RCBTB1: variants seen among roughly 807,000 people sequenced by gnomAD.
The protein encoded by RCBTB1 is RCC1 and BTB domain containing protein 1, also known as RCC1 and BTB domain-containing protein 1.
In RCBTB1, 46 loss-of-function variants were observed where a neutral mutation model predicts 62.4. That is an observed-to-expected ratio of 0.74 (90% CI 0.58 to 0.94). The LOEUF is 0.94. Among genes scored for constraint, RCBTB1 ranks in the 40% least tolerant of loss-of-function variants. The pLI, the probability that RCBTB1 is intolerant of heterozygous loss-of-function variation, is 0.00. For missense variants in RCBTB1, 565 were observed against 654.9 expected (o/e 0.86, Z 1.50); for synonymous variants, 222 against 245.8 (o/e 0.90, Z 0.91).
At chr13:49,578,152 C>T (rs781003094) in intron 2 of RCBTB1, among the ~76,000 whole-genome samples, 1 of 152,178 alleles carries the variant, frequency 6.6e-6, no homozygotes, top group South Asian at 2.1e-4. Flanking sequence ...TCCACAGATG[C>T]TCAAGTCCCT....
intron 7 of RCBTB1, 29 bp downstream of exon 7, chr13:49,552,149 G>T: frequency 1.4e-6 from 2 of 1,384,818 alleles, no homozygotes; most frequent in Non-Finnish European, 2.0e-6. Flanking sequence ...TAGATGGGAA[G>T]CCACTAACTG....
intron 2 of RCBTB1, among the ~76,000 whole-genome samples, chr13:49,574,608 A>G (rs2137365482): frequency 6.6e-6 from 1 of 152,260 alleles, no homozygotes; most frequent in South Asian, 2.1e-4. Context: ...AAAATGAATT[A>G]TTAATATAAA....
chr13:49,559,512 C>A (rs565838978), intron 5 of RCBTB1, among the ~76,000 whole-genome samples: 1 of 151,988 alleles, frequency 6.6e-6, no homozygotes, highest in Admixed American at 6.6e-5. Context: ...AAAAATTAGG[C>A]GGGTGTGGTG....
chr13:49,560,137 G>C (rs1962320114), intron 4 of RCBTB1, 53 bp from the exon 5 acceptor site: 2 of 1,581,876 alleles, frequency 1.3e-6, no homozygotes, highest in Middle Eastern at 1.7e-4. Context: ...TAGTAACCCT[G>C]TACTTTCTTC....
At chr13:49,547,563 C>T (rs1418632196) in intron 9 of RCBTB1, among the ~76,000 whole-genome samples, 2 of 152,164 alleles carry the variant, frequency 1.3e-5, no homozygotes, top group Non-Finnish European at 2.9e-5. Flanking sequence ...TAAATGGCTA[C>T]TCAGTTTTAA....
At chr13:49,564,890 CA>C (rs35078637) in intron 4 of RCBTB1, among the ~76,000 whole-genome samples, 36,887 of 141,572 alleles carry the variant, frequency 0.26, 5,768 homozygotes, top group African/African-American at 0.46. Context: ...GACTCCGTCT[CA>C]AAAAAAAAAA....
chr13:49,566,304 A>T (rs7320475), intron 4 of RCBTB1, among the ~76,000 whole-genome samples: 127 of 89,344 alleles, frequency 1.4e-3, no homozygotes, highest in East Asian at 0.013. Flanking sequence ...ATAAATAAAT[A>T]AAAAAGTTGC....
At chr13:49,579,561 T>C (rs1000714016) in intron 2 of RCBTB1, among the ~76,000 whole-genome samples, 3 of 151,546 alleles carry the variant, frequency 2.0e-5, no homozygotes, top group Admixed American at 6.6e-5. Context: ...GAGGCACAGC[T>C]TGCAGTGAAC....
At chr13:49,582,823 T>C (rs905809022) in intron 1 of RCBTB1, among the ~76,000 whole-genome samples, 1 of 45,222 alleles carries the variant, frequency 2.2e-5, no homozygotes, top group African/African-American at 1.1e-4. Context: ...TCACCTATTT[T>C]TCCCCTATGA....
At chr13:49,541,946 T>C (rs1960397349) in intron 10 of RCBTB1, 119 bp from the exon 11 acceptor site, 10 of 1,159,966 alleles carry the variant, frequency 8.6e-6, no homozygotes, top group African/African-American at 1.6e-5. Flanking sequence ...CCGGGCGTGG[T>C]GGCTCATGCC....
intron 9 of RCBTB1, among the ~76,000 whole-genome samples, chr13:49,546,611 G>A (rs58284306): frequency 0.023 from 3,526 of 152,274 alleles, 139 homozygotes; most frequent in African/African-American, 0.08. Flanking sequence ...ACAACTGGAC[G>A]GCCCCATCTG....
rs529244301 is a variant in RCBTB1 at position 49,573,702 on chromosome 13, G to A, written c.-41-6382C>T. 9.0e-4 allele frequency among the ~76,000 whole-genome samples: 136 copies of A among 151,546 alleles called. 1 individual carries two copies. The highest frequency in any genetic ancestry group is 6.8e-3 in the Middle Eastern group (2 of 294). ...CGACCTCAAGTGATCCACCTACCTC[G>A]GCCTCCCAAAGTGCTGGGATTACAG... On this transcript the variant is annotated intron_variant, in intron 2 of 12. Coordinates refer to ENST00000378302, the MANE Select transcript of RCBTB1 (RefSeq NM_018191.4).
At chr13:49,568,400 A>G (rs1306868521) in intron 2 of RCBTB1, among the ~76,000 whole-genome samples, 1 of 152,240 alleles carries the variant, frequency 6.6e-6, no homozygotes, top group Non-Finnish European at 1.5e-5. Flanking sequence ...AATTTCTAAA[A>G]TAAATTCCTA....
At chr13:49,569,852 G>A (rs9568267) in intron 2 of RCBTB1, among the ~76,000 whole-genome samples, 4,152 of 152,148 alleles carry the variant, frequency 0.027, 144 homozygotes, top group East Asian at 0.16. Flanking sequence ...GGCTGCAGTT[G>A]AGCCGAGATC....
intron 2 of RCBTB1, 138 bp from the exon 3 acceptor site, chr13:49,567,458 T>A: frequency 3.2e-6 from 2 of 622,972 alleles, no homozygotes; most frequent in Non-Finnish European, 5.4e-6. Flanking sequence ...GATCACTCAC[T>A]TTCCCCCAGC....
Position 49,555,497 on chromosome 13 carries a change from G to A in RCBTB1, c.603+18C>T. ...GAAAAAGAAGGTAGAAAGGGAAATG[G>A]GAGTGGAGACACCTCACCTCGCCAT... On this transcript the variant is annotated intron_variant, in intron 6 of 12. Coordinates refer to ENST00000378302, the MANE Select transcript of RCBTB1 (RefSeq NM_018191.4). 2 of 1,606,600 alleles carry A rather than the reference G, an allele frequency of 1.2e-6. No individual in the cohort carries two copies. The highest frequency in any genetic ancestry group is 1.7e-6 in the Non-Finnish European group (2 of 1,173,210).
At position 49,556,392 on chromosome 13, in the gene RCBTB1, G is replaced by A. The variant is rs145735095; in HGVS notation, c.445-719C>T. On this transcript the variant is annotated intron_variant, in intron 5 of 12. Coordinates refer to ENST00000378302, the MANE Select transcript of RCBTB1 (RefSeq NM_018191.4). ...TTTTTAGTAGAGATGGGGTTTCACC[G>A]TGTTAGCCAGGATGGTCTCGATCTC... Among the ~76,000 whole-genome samples, 380 of 151,886 alleles carry A rather than the reference G, an allele frequency of 2.5e-3. 2 individuals are homozygous for A. The highest frequency in any genetic ancestry group is 6.3e-3 in the Admixed American group (96 of 15,258).
chr13:49,566,893 G>A, intron 3 of RCBTB1, 125 bp from the exon 4 acceptor site: 1 of 972,474 alleles, frequency 1.0e-6, no homozygotes, highest in South Asian at 1.8e-5. Flanking sequence ...GACTGATATG[G>A]TTGTTAAGAA....
intron 9 of RCBTB1, among the ~76,000 whole-genome samples, chr13:49,547,711 A>G (rs1960928364): frequency 6.6e-6 from 1 of 152,208 alleles, no homozygotes; most frequent in East Asian, 1.9e-4. Context: ...TTCTGAAATA[A>G]AAGAATTTGA....
Sources: gnomAD v4.1 joint callset for allele counts (sites outside exome capture counted in the v4.1 genomes callset) on GRCh38, gnomAD v4.1.1 for gene constraint, MANE v1.5 for transcripts, NCBI Gene and HGNC (gene_info 2026-07-23, HGNC 2026-07-21) for gene names.